SSBP2: variants seen among roughly 807,000 people sequenced by gnomAD.
SSBP2 encodes single stranded DNA binding protein 2, also known as single-stranded DNA-binding protein 2.
In SSBP2, 17 loss-of-function variants were observed where a neutral mutation model predicts 61.8. The ratio of observed to expected loss-of-function variants is 0.28; its 90% CI spans 0.19 to 0.41. The LOEUF (loss-of-function observed/expected upper bound fraction) is 0.41. SSBP2 is among the 10% of genes least tolerant of loss of function. The probability of loss-of-function intolerance (pLI) is 1.00; values close to 1 mark genes in which losing one functional copy is unlikely to be tolerated. For missense variants in SSBP2, 310 were observed against 458.7 expected, an observed-to-expected ratio of 0.68 and a Z score of 2.96; for synonymous variants, 139 against 141.3, an observed-to-expected ratio of 0.98 and a Z score of 0.12.
At chr5:81,461,224 T>A in intron 9 of SSBP2, 121 bp from the exon 10 acceptor site, 1 of 649,814 alleles carries the variant, frequency 1.5e-6, no homozygotes, top group Non-Finnish European at 2.4e-6. Context: ...AGTTTGGCAC[T>A]GAAATTACTC....
At chr5:81,567,757 C>T (rs1368638757) in intron 4 of SSBP2, among the ~76,000 whole-genome samples, 1 of 152,312 alleles carries the variant, frequency 6.6e-6, no homozygotes, top group South Asian at 2.1e-4. Context: ...TCATGGGAAC[C>T]CACCTCTTGC....
At chr5:81,438,000 A>AT (rs1762780752) in intron 14 of SSBP2, among the ~76,000 whole-genome samples, 1 of 152,136 alleles carries the variant, frequency 6.6e-6, no homozygotes. Context: ...TAAATATTAT[A>AT]TTTTTATTTT....
At chr5:81,462,502 G>C (rs1764609811) in intron 9 of SSBP2, among the ~76,000 whole-genome samples, 1 of 152,328 alleles carries the variant, frequency 6.6e-6, no homozygotes, top group South Asian at 2.1e-4. Context: ...GAAGATACCA[G>C]TGGGGACTTG....
At chr5:81,442,918 T>C in intron 12 of SSBP2, 195 bp from the exon 13 acceptor site, 1 of 402,510 alleles carries the variant, frequency 2.5e-6, no homozygotes, top group African/African-American at 2.1e-5. Flanking sequence ...GGTCATAAAT[T>C]AGGTATGAGG....
At chr5:81,493,251 CAGATAGATAGAT>C (rs66763000) in intron 5 of SSBP2, among the ~76,000 whole-genome samples, 16,891 of 145,522 alleles carry the variant, frequency 0.12, 1,133 homozygotes, top group Admixed American at 0.17. Context: ...ATGAACAAAA[CAGATAGATAGAT>C]AGATAGATAG....
chr5:81,556,228 C>T (rs1257618808), intron 4 of SSBP2, among the ~76,000 whole-genome samples: 3 of 152,028 alleles, frequency 2.0e-5, no homozygotes, highest in Non-Finnish European at 1.5e-5. Flanking sequence ...AGATTTACCC[C>T]AACACACAAT....
chr5:81,565,950 T>A (rs1198946121), intron 4 of SSBP2, among the ~76,000 whole-genome samples: 8 of 152,170 alleles, frequency 5.3e-5, no homozygotes, highest in Non-Finnish European at 1.2e-4. Context: ...AAAAAAATAT[T>A]CAATTCAGAA....
At chr5:81,541,133 T>G (rs1453509616) in intron 4 of SSBP2, among the ~76,000 whole-genome samples, 1 of 152,036 alleles carries the variant, frequency 6.6e-6, no homozygotes, top group Non-Finnish European at 1.5e-5. Context: ...ATGTTCAAGC[T>G]GAGAGCCAAA....
chr5:81,518,629 C>T (rs1769222572), intron 4 of SSBP2, among the ~76,000 whole-genome samples: 1 of 152,006 alleles, frequency 6.6e-6, no homozygotes, highest in African/African-American at 2.4e-5. Flanking sequence ...ACAGAATGAA[C>T]TAAGACATAA....
At position 81,587,763 on chromosome 5, in the gene SSBP2, G is replaced by GCGCA. The variant is rs138057328; in HGVS notation, c.282+27709_282+27710insTGCG. On this transcript the variant is annotated intron_variant, in intron 4 of 16. Coordinates refer to ENST00000320672, the MANE Select transcript of SSBP2 (RefSeq NM_012446.5). ...CACACACACGCACACACACGCGCGCGCACACACACACACACACACACTAAT... is the reference window on the plus strand; with the variant it reads ...CACACACACGCACACACACGCGCGCGCGCACACACACACACACACACACACTAAT... Among the ~76,000 whole-genome samples, 454 of 149,028 alleles carry GCGCA rather than the reference G, an allele frequency of 3.0e-3. 1 individual carries two copies. Among genetic ancestry groups the GCGCA allele is most frequent in the East Asian group, 0.023 (114 of 4,972 alleles).
chr5:81,510,606 C>T (rs973320913), intron 5 of SSBP2, among the ~76,000 whole-genome samples: 1 of 151,954 alleles, frequency 6.6e-6, no homozygotes, highest in African/African-American at 2.4e-5. Context: ...ACTAAAAATA[C>T]AAAAATTAGC....
At chr5:81,441,754 A>T (rs1763053363) in intron 13 of SSBP2, among the ~76,000 whole-genome samples, 1 of 152,220 alleles carries the variant, frequency 6.6e-6, no homozygotes, top group African/African-American at 2.4e-5. Context: ...ATCTAAAAGC[A>T]CGTAGGTTGG....
chr5:81,568,704 C>A (rs543063539), intron 4 of SSBP2, among the ~76,000 whole-genome samples: 1 of 152,284 alleles, frequency 6.6e-6, no homozygotes, highest in East Asian at 1.9e-4. Context: ...GAGCCATTCA[C>A]ATATGTATAT....
intron 4 of SSBP2, among the ~76,000 whole-genome samples, chr5:81,540,806 T>G (rs766580720): frequency 2.0e-5 from 3 of 152,082 alleles, no homozygotes. Context: ...AACTGCAGTA[T>G]CTCCGATTTG....
chr5:81,420,676 G>C, intron 16 of SSBP2, 143 bp from the exon 17 acceptor site: 1 of 677,900 alleles, frequency 1.5e-6, no homozygotes, highest in Non-Finnish European at 2.5e-6. Flanking sequence ...CATAAAATAA[G>C]AAACTATAAA....
chr5:81,498,090 C>T (rs1767425819), intron 5 of SSBP2, among the ~76,000 whole-genome samples: 1 of 152,030 alleles, frequency 6.6e-6, no homozygotes, highest in Non-Finnish European at 1.5e-5. Context: ...TCAGAAACAA[C>T]ATATTTTAGT....
chr5:81,691,954 C>G (rs925063377), intron 1 of SSBP2, among the ~76,000 whole-genome samples: 1 of 152,148 alleles, frequency 6.6e-6, no homozygotes, highest in Non-Finnish European at 1.5e-5. Context: ...TGGAACTCAA[C>G]AAGGATGCCC....
intron 4 of SSBP2, among the ~76,000 whole-genome samples, chr5:81,584,867 T>C (rs1774942143): frequency 6.6e-6 from 1 of 152,146 alleles, no homozygotes; most frequent in Non-Finnish European, 1.5e-5. Context: ...TTTTAAATCA[T>C]GGCCTTAAAT....
chr5:81,568,103 G>A (rs770985995), intron 4 of SSBP2, among the ~76,000 whole-genome samples: 3 of 152,074 alleles, frequency 2.0e-5, no homozygotes, highest in Non-Finnish European at 4.4e-5. Context: ...GGCATAATTC[G>A]TTTTGAAATG....
Sources: allele counts gnomAD v4.1 joint callset (sites outside exome capture counted in the v4.1 genomes callset), GRCh38; gene constraint gnomAD v4.1.1; transcripts MANE v1.5; gene names NCBI Gene and HGNC (gene_info 2026-07-23, HGNC 2026-07-21).